Variants in SH3RF3 observed in about 807,000 individuals in gnomAD.
SH3RF3 encodes the protein E3 ubiquitin-protein ligase SH3RF3.
Under a neutral mutation model 66.3 loss-of-function variants are expected in SH3RF3, and 29 were observed. That is an observed-to-expected ratio of 0.44 (90% CI 0.33 to 0.60). The LOEUF (loss-of-function observed/expected upper bound fraction) is 0.60, where lower values mean the gene tolerates loss of function less well. Among genes scored for constraint, SH3RF3 ranks in the 20% least tolerant of loss-of-function variants. The pLI, the probability that SH3RF3 is intolerant of heterozygous loss-of-function variation, is 0.04. For synonymous variants in SH3RF3, 583 were observed against 532.0 expected (o/e 1.10, Z -1.32); for missense variants, 1,194 against 1,190.9 (o/e 1.00, Z -0.04).
Position 109,211,650 on chromosome 2 carries a change from T to TTC in SH3RF3, c.573+81538_573+81539insCT, listed in dbSNP as rs1315426731. Among the ~76,000 whole-genome samples the TTC allele has an allele frequency of 6.8e-5, 10 of 146,942 alleles. No homozygotes were observed. In the East Asian group the frequency reaches 2.0e-3, roughly 29 times the overall value. ...TTCGGCCCTTCCTGCATTTCTTTCTTTTTTTTTTTTTTGAGATGGAGTCTC... is the reference window on the plus strand; with the variant it reads ...TTCGGCCCTTCCTGCATTTCTTTCTTTCTTTTTTTTTTTTGAGATGGAGTCTC... On this transcript the variant is annotated intron_variant, in intron 1 of 9. Coordinates refer to ENST00000309415, the MANE Select transcript of SH3RF3 (RefSeq NM_001099289.3).
chr2:109,484,300 G>A (rs910291613), intron 8 of SH3RF3, among the ~76,000 whole-genome samples: 1 of 151,984 alleles, frequency 6.6e-6, no homozygotes, highest in African/African-American at 2.4e-5. Context: ...CTCCTGACCT[G>A]AGGTGATCCG....
intron 5 of SH3RF3, among the ~76,000 whole-genome samples, chr2:109,430,828 C>T (rs528180331): frequency 1.7e-4 from 26 of 152,224 alleles, no homozygotes; most frequent in African/African-American, 6.3e-4. Flanking sequence ...ATTTCACTGT[C>T]AGTGTTCACC....
At chr2:109,203,414 A>G (rs1678732350) in intron 1 of SH3RF3, among the ~76,000 whole-genome samples, 1 of 152,194 alleles carries the variant, frequency 6.6e-6, no homozygotes, top group African/African-American at 2.4e-5. Flanking sequence ...CTACGAGCGC[A>G]TCACCTGTGG....
intron 1 of SH3RF3, among the ~76,000 whole-genome samples, chr2:109,149,963 G>A (rs1677192548): frequency 6.6e-6 from 1 of 152,180 alleles, no homozygotes; most frequent in African/African-American, 2.4e-5. Context: ...GACTTGGGGT[G>A]CATGTTGAAG....
intron 1 of SH3RF3, among the ~76,000 whole-genome samples, chr2:109,138,155 A>G (rs982839871): frequency 6.6e-6 from 1 of 152,138 alleles, no homozygotes; most frequent in Admixed American, 6.5e-5. Flanking sequence ...GGCTGGGACT[A>G]TAGGCGAGCA....
At chr2:109,315,319 A>G (rs11902743) in intron 1 of SH3RF3, among the ~76,000 whole-genome samples, 47,328 of 151,928 alleles carry the variant, frequency 0.31, 9,120 homozygotes, top group African/African-American at 0.55. Flanking sequence ...ACCAACTTGG[A>G]GTTCTTAACT....
intron 1 of SH3RF3, among the ~76,000 whole-genome samples, chr2:109,259,616 T>C (rs1406261609): frequency 1.3e-5 from 2 of 152,260 alleles, no homozygotes; most frequent in African/African-American, 4.8e-5. Context: ...ATGTTATTTA[T>C]GGAGAAGTTG....
intron 1 of SH3RF3, among the ~76,000 whole-genome samples, chr2:109,153,539 T>G (rs1677269047): frequency 6.6e-6 from 1 of 152,220 alleles, no homozygotes; most frequent in South Asian, 2.1e-4. Flanking sequence ...CGGCTCAGTG[T>G]GCAATGCCTT....
intron 1 of SH3RF3, among the ~76,000 whole-genome samples, chr2:109,294,725 G>A: frequency 6.6e-6 from 1 of 152,176 alleles, no homozygotes; most frequent in East Asian, 1.9e-4. Flanking sequence ...CAGCCCTACA[G>A]GGGAAGCTAG....
chr2:109,185,083 C>T (rs1039279582), intron 1 of SH3RF3, among the ~76,000 whole-genome samples: 2 of 152,090 alleles, frequency 1.3e-5, no homozygotes, highest in African/African-American at 2.4e-5. Context: ...GCTGTTACAC[C>T]GTGGAGATAG....
intron 1 of SH3RF3, among the ~76,000 whole-genome samples, chr2:109,164,924 C>T (rs930446690): frequency 2.0e-5 from 3 of 152,210 alleles, no homozygotes; most frequent in African/African-American, 7.2e-5. Context: ...ACAACTGGAC[C>T]ATTGCAAATA....
intron 1 of SH3RF3, among the ~76,000 whole-genome samples, chr2:109,270,033 C>A (rs540873642): frequency 2.0e-5 from 3 of 152,320 alleles, no homozygotes; most frequent in East Asian, 1.9e-4. Context: ...GCGATTGAAG[C>A]CACTGTCTGA....
In SH3RF3 at chr2:109,370,054, A is replaced by G. The variant is rs141356037; in HGVS notation, c.850-1532A>G. On this transcript the variant is annotated intron_variant, in intron 2 of 9. Transcript: ENST00000309415. ...CTAGCAGAGAACAAATAACGGGGGC[A>G]GTTTAGGCTGACAGGCCTTGGGGCG... 2.6e-3 allele frequency among the ~76,000 whole-genome samples: 390 copies of G among 152,248 alleles called. 2 individuals carry two copies. Among genetic ancestry groups the G allele is most frequent in the African/African-American group, 9.0e-3 (375 of 41,550 alleles).
At chr2:109,163,362 C>A (rs1677535265) in intron 1 of SH3RF3, among the ~76,000 whole-genome samples, 1 of 142,540 alleles carries the variant, frequency 7.0e-6, no homozygotes. Flanking sequence ...GACTGGAGTT[C>A]TCAATAGATT....
intron 3 of SH3RF3, among the ~76,000 whole-genome samples, chr2:109,394,950 G>C (rs1023283612): frequency 3.3e-5 from 5 of 152,254 alleles, no homozygotes; most frequent in Non-Finnish European, 7.3e-5. Flanking sequence ...GGCAGGCGAG[G>C]GCATCCTGTG....
chr2:109,468,404 A>G (rs747678943), intron 8 of SH3RF3, among the ~76,000 whole-genome samples: 1 of 152,186 alleles, frequency 6.6e-6, no homozygotes, highest in Non-Finnish European at 1.5e-5. Context: ...TTTCATTATC[A>G]TCTTATAAGA....
chr2:109,470,352 C>T (rs1678470758), intron 8 of SH3RF3, among the ~76,000 whole-genome samples: 1 of 152,134 alleles, frequency 6.6e-6, no homozygotes, highest in Admixed American at 6.6e-5. Flanking sequence ...TGGAAAAGAT[C>T]ATCTTTTCCA....
intron 1 of SH3RF3, among the ~76,000 whole-genome samples, chr2:109,202,198 C>G (rs1296030791): frequency 6.6e-6 from 1 of 152,184 alleles, no homozygotes; most frequent in Non-Finnish European, 1.5e-5. Flanking sequence ...TCTTCCCTCC[C>G]TTGTTTCCCA....
At chr2:109,218,565 T>A (rs949867658) in intron 1 of SH3RF3, among the ~76,000 whole-genome samples, 2 of 152,118 alleles carry the variant, frequency 1.3e-5, no homozygotes, top group South Asian at 4.1e-4. Context: ...ACAATAGACC[T>A]TTTCATCTCT....
Sources: allele counts gnomAD v4.1 joint callset (sites outside exome capture counted in the v4.1 genomes callset), GRCh38; gene constraint gnomAD v4.1.1; transcripts MANE v1.5; gene names NCBI Gene and HGNC (gene_info 2026-07-23, HGNC 2026-07-21).